Variants in PCCA observed in about 807,000 individuals in gnomAD.
PCCA encodes propionyl-CoA carboxylase alpha chain, mitochondrial.
PCCA carries 74 observed loss-of-function variants against 101.3 expected under a neutral mutation model. The ratio of observed to expected loss-of-function variants is 0.73; its 90% confidence interval spans 0.61 to 0.89. PCCA has a LOEUF of 0.89. PCCA is among the 40% of genes least tolerant of loss of function. The pLI, the probability that PCCA is intolerant of heterozygous loss-of-function variation, is 0.00. For missense variants in PCCA, 891 were observed against 907.0 expected, an observed-to-expected ratio of 0.98 and a Z score of 0.23; for synonymous variants, 294 against 313.6, an observed-to-expected ratio of 0.94 and a Z score of 0.66.
rs548649301 is a variant in PCCA, at chr13:100,518,919, AT to A, written c.2040+3356del. Among the ~76,000 whole-genome samples the A allele has an allele frequency of 2.6e-5, 4 of 152,284 alleles. No individual in the cohort carries two copies. The South Asian group carries it at 8.3e-4, about 32-fold the overall frequency. On this transcript the variant is annotated intron_variant, in intron 22 of 23. Transcript: ENST00000376285. ...GAACAGAAATGTTAGAAATATATAT[AT>A]TTTCAGAATAACGGTAGAATACATT...
chr13:100,259,920 T>C (rs1368735472), intron 9 of PCCA, among the ~76,000 whole-genome samples: 1 of 152,188 alleles, frequency 6.6e-6, no homozygotes, highest in Non-Finnish European at 1.5e-5. Flanking sequence ...TCACCAGTGA[T>C]ATTCATAATA....
intron 7 of PCCA, among the ~76,000 whole-genome samples, chr13:100,229,021 T>C (rs926764848): frequency 2.0e-5 from 3 of 152,292 alleles, no homozygotes; most frequent in African/African-American, 7.2e-5. Flanking sequence ...TGTTTTGTAT[T>C]ATAACTTAAA....
intron 4 of PCCA, among the ~76,000 whole-genome samples, chr13:100,153,110 C>T (rs2053537474): frequency 6.6e-6 from 1 of 152,058 alleles, no homozygotes; most frequent in South Asian, 2.1e-4. Flanking sequence ...TTTTGTACCT[C>T]AAAGACAATG....
intron 7 of PCCA, among the ~76,000 whole-genome samples, chr13:100,221,737 C>T (rs1258906693): frequency 6.7e-6 from 1 of 148,280 alleles, no homozygotes; most frequent in Admixed American, 6.9e-5. Context: ...CCTTTTGTTT[C>T]CCTGGGAAAT....
At chr13:100,431,303 A>G (rs780002749) in intron 20 of PCCA, among the ~76,000 whole-genome samples, 4 of 151,928 alleles carry the variant, frequency 2.6e-5, no homozygotes, top group African/African-American at 4.8e-5. Flanking sequence ...TCTTTTTCTT[A>G]TTGACTCATA....
At chr13:100,257,545 A>G (rs371123489) in intron 8 of PCCA, 50 bp from the exon 9 acceptor site, 97 of 1,232,868 alleles carry the variant, frequency 7.9e-5, no homozygotes, top group Non-Finnish European at 1.0e-4. Flanking sequence ...ATGTTCATAC[A>G]TCCCAATGAT....
At chr13:100,491,978 A>C (rs2084938513) in intron 21 of PCCA, among the ~76,000 whole-genome samples, 1 of 152,212 alleles carries the variant, frequency 6.6e-6, no homozygotes, top group Admixed American at 6.5e-5. Context: ...GAGTTCAATC[A>C]GAGGTCCCAT....
At chr13:100,342,342 C>T (rs1256809039) in intron 18 of PCCA, among the ~76,000 whole-genome samples, 3 of 151,986 alleles carry the variant, frequency 2.0e-5, no homozygotes, top group African/African-American at 7.3e-5. Flanking sequence ...CGGCTCACTG[C>T]AGCCTTCATC....
At chr13:100,478,980 C>A (rs2083655017) in intron 21 of PCCA, among the ~76,000 whole-genome samples, 1 of 152,146 alleles carries the variant, frequency 6.6e-6, no homozygotes, top group Admixed American at 6.5e-5. Context: ...GCACCAGAAC[C>A]TTCTCACTCA....
At chr13:100,475,285 C>A (rs1009938045) in intron 21 of PCCA, among the ~76,000 whole-genome samples, 1 of 152,110 alleles carries the variant, frequency 6.6e-6, no homozygotes, top group South Asian at 2.1e-4. Context: ...TTTCATCACC[C>A]CAAAAAGAAG....
rs1284967318 is a variant in PCCA, at chr13:100,394,581, A to G, written c.1746+26007A>G. ...CAGTAACTGAATCTGGTAACAGGGT[A>G]GTTGTTTGTTTCAGAAGCTTATATT... On this transcript the variant is annotated intron_variant, in intron 19 of 23. Transcript: ENST00000376285. The surrounding 1 kb of genome is among the most constrained non-coding windows in gnomAD (Gnocchi z 4.3). Among the ~76,000 whole-genome samples, 2 of 152,190 alleles carry G rather than the reference A, an allele frequency of 1.3e-5. No homozygotes were observed. Among genetic ancestry groups the G allele is most frequent in the Non-Finnish European group, 2.9e-5 (2 of 68,042 alleles).
rs560046184 is a variant in PCCA, at chr13:100,505,872, C to A, written c.1900-9555C>A. 3.6e-4 allele frequency among the ~76,000 whole-genome samples: 55 copies of A among 151,588 alleles called. 1 individual carries two copies. Among genetic ancestry groups the A allele is most frequent in the South Asian group, 1.2e-3 (6 of 4,804 alleles). ...TCTGCCCACCCTCCCCCATCCCCCC[C>A]AAAAAAATCCACCACTCTTTCATTC... On this transcript the variant is annotated intron_variant, in intron 21 of 23. Coordinates refer to ENST00000376285, the MANE Select transcript of PCCA (RefSeq NM_000282.4).
intron 21 of PCCA, among the ~76,000 whole-genome samples, chr13:100,482,895 C>A (rs61970533): frequency 6.6e-6 from 1 of 152,128 alleles, no homozygotes; most frequent in African/African-American, 2.4e-5. Context: ...GTTGATTTTG[C>A]CTTACAGTCT....
At chr13:100,123,233 T>C (rs1001320269) in intron 4 of PCCA, among the ~76,000 whole-genome samples, 9 of 152,126 alleles carry the variant, frequency 5.9e-5, no homozygotes, top group Non-Finnish European at 1.3e-4. Context: ...GATTTGTATT[T>C]TAGTAGAGTT....
intron 6 of PCCA, among the ~76,000 whole-genome samples, chr13:100,176,889 T>C (rs2056289798): frequency 6.6e-6 from 1 of 152,222 alleles, no homozygotes; most frequent in South Asian, 2.1e-4. Context: ...TTGTAGCCTT[T>C]GTAAAAAATG....
chr13:100,457,181 A>G (rs1162919204), intron 21 of PCCA, among the ~76,000 whole-genome samples: 1 of 152,240 alleles, frequency 6.6e-6, no homozygotes, highest in Non-Finnish European at 1.5e-5. Flanking sequence ...ATAATGATTG[A>G]TAATGTCCAT....
intron 8 of PCCA, among the ~76,000 whole-genome samples, chr13:100,249,093 A>G (rs999277283): frequency 1.3e-4 from 20 of 152,094 alleles, no homozygotes; most frequent in African/African-American, 4.3e-4. Flanking sequence ...GGGCTGCAGA[A>G]ATTTTTATTT....
At chr13:100,228,899 C>CAAA (rs36067066) in intron 7 of PCCA, among the ~76,000 whole-genome samples, 3 of 83,470 alleles carry the variant, frequency 3.6e-5, no homozygotes, top group African/African-American at 1.2e-4. Context: ...GACTCTTTCT[C>CAAA]AAAAAAAAAA....
In PCCA at chr13:100,268,726, A is replaced by G; in HGVS notation, c.857A>G (p.Asn286Ser). Residue 286 changes from asparagine to serine, a missense_variant, in exon 11 of 24, where the codon AAT becomes AGT. Coordinates refer to ENST00000376285, the MANE Select transcript of PCCA (RefSeq NM_000282.4). ...AAACATGGGAATGCTTTATGGCTTAATGAAAGAGAGTGCTCAATTCAGAGA... is the reference window on the plus strand; with the variant it reads ...AAACATGGGAATGCTTTATGGCTTAGTGAAAGAGAGTGCTCAATTCAGAGA... Reference protein sequence around the residue: ...GDKHGNALWLNERECSIQRRN... With the variant: ...GDKHGNALWLSERECSIQRRN... The G allele has an allele frequency of 6.2e-7, 1 of 1,614,142 alleles. No individual in the cohort carries two copies. Among genetic ancestry groups the G allele is most frequent in the Non-Finnish European group, 8.5e-7 (1 of 1,179,960 alleles).
Sources: gnomAD v4.1 joint callset for allele counts (sites outside exome capture counted in the v4.1 genomes callset) on GRCh38, gnomAD v4.1.1 for gene constraint, Gnocchi (gnomAD v3.1) non-coding constraint, MANE v1.5 for transcripts, NCBI Gene and HGNC (gene_info 2026-07-23, HGNC 2026-07-21) for gene names.